MAGI2: variants seen among roughly 807,000 people sequenced by gnomAD.
The protein encoded by MAGI2 is membrane-associated guanylate kinase, WW and PDZ domain-containing protein 2.
MAGI2 carries 35 observed loss-of-function variants against 133.3 expected under a neutral mutation model. The ratio of observed to expected loss-of-function variants is 0.26; its 90% CI spans 0.20 to 0.35. The LOEUF is 0.35. Ranked by LOEUF, MAGI2 falls within the 10% of genes least tolerant of loss-of-function variation. The pLI, the probability that MAGI2 is intolerant of heterozygous loss-of-function variation, is 1.00. For missense variants in MAGI2, 1,636 were observed against 1,863.4 expected (o/e 0.88, Z 2.25); for synonymous variants, 729 against 710.6 (o/e 1.03, Z -0.41).
chr7:78,163,758 T>G (rs1825337250), intron 15 of MAGI2, among the ~76,000 whole-genome samples: 1 of 151,752 alleles, frequency 6.6e-6, no homozygotes, highest in Admixed American at 6.6e-5. Context: ...TACAAAAAAA[T>G]TAGCTGGGCG....
intron 2 of MAGI2, among the ~76,000 whole-genome samples, chr7:78,687,711 G>C (rs918329423): frequency 6.6e-6 from 1 of 152,112 alleles, no homozygotes; most frequent in African/African-American, 2.4e-5. Context: ...GCTCACGCCT[G>C]TAATCCCAGC....
At chr7:78,880,902 A>G (rs1026799942) in intron 2 of MAGI2, among the ~76,000 whole-genome samples, 11 of 152,216 alleles carry the variant, frequency 7.2e-5, no homozygotes, top group Admixed American at 7.2e-4. Flanking sequence ...AACAGAAAAG[A>G]TAAAAAGAGC....
intron 1 of MAGI2, among the ~76,000 whole-genome samples, chr7:79,267,932 A>G (rs1881298): frequency 0.86 from 131,082 of 152,190 alleles, 56,585 homozygotes; most frequent in African/African-American, 0.91. Context: ...TTTGGAAATT[A>G]AATGGGACTG....
At chr7:78,397,220 C>T (rs113025859) in intron 6 of MAGI2, among the ~76,000 whole-genome samples, 2 of 151,856 alleles carry the variant, frequency 1.3e-5, no homozygotes, top group African/African-American at 4.8e-5. Context: ...TGGTAAACTG[C>T]TCTGCATGAG....
chr7:78,756,193 G>A (rs1278622531), intron 2 of MAGI2, among the ~76,000 whole-genome samples: 1 of 152,128 alleles, frequency 6.6e-6, no homozygotes, highest in Non-Finnish European at 1.5e-5. Flanking sequence ...GAGAGCACTG[G>A]CATGAGTCAG....
At chr7:79,084,769 C>T (rs1211149524) in intron 1 of MAGI2, among the ~76,000 whole-genome samples, 2 of 151,690 alleles carry the variant, frequency 1.3e-5, no homozygotes, top group Non-Finnish European at 3.0e-5. Flanking sequence ...AATTCTTATT[C>T]TGATTTTTGT....
intron 1 of MAGI2, among the ~76,000 whole-genome samples, chr7:79,254,689 C>T (rs1833563358): frequency 6.6e-6 from 1 of 152,142 alleles, no homozygotes; most frequent in African/African-American, 2.4e-5. Flanking sequence ...TACATTTTTC[C>T]ATGAATCTTC....
chr7:79,071,819 T>C (rs1157625926), intron 1 of MAGI2, among the ~76,000 whole-genome samples: 2 of 152,102 alleles, frequency 1.3e-5, no homozygotes, highest in African/African-American at 2.4e-5. Context: ...CCCACCATGT[T>C]GGAGCCTCCC....
At chr7:78,265,228 G>C (rs1284532159) in intron 9 of MAGI2, among the ~76,000 whole-genome samples, 1 of 152,060 alleles carries the variant, frequency 6.6e-6, no homozygotes, top group African/African-American at 2.4e-5. Flanking sequence ...TTACTTTGTT[G>C]AAAAGGAAAC....
intron 14 of MAGI2, among the ~76,000 whole-genome samples, chr7:78,171,547 C>T (rs775038455): frequency 6.6e-6 from 1 of 152,224 alleles, no homozygotes; most frequent in African/African-American, 2.4e-5. Flanking sequence ...ATTCTTCTCA[C>T]TTCCCAATAG....
chr7:78,150,480 C>T (rs1048509418), intron 16 of MAGI2, among the ~76,000 whole-genome samples: 4 of 152,174 alleles, frequency 2.6e-5, no homozygotes, highest in East Asian at 1.9e-4. Flanking sequence ...AAGTGCCCTG[C>T]GGGCTCTGAA....
rs188289139 is a variant in MAGI2, at chr7:79,183,708, A to C, written c.302-176502T>G. 3.3e-5 allele frequency among the ~76,000 whole-genome samples: 5 copies of C among 152,058 alleles called. No individual in the cohort carries two copies. The East Asian group carries it at 9.7e-4, about 29-fold the overall frequency. ...TCATGTTTCTTGCAGCACTAGTCAC[A>C]GTCAATTCCAAGAGACGGAATCAAC... On this transcript the variant is annotated intron_variant, in intron 1 of 21. Transcript: ENST00000354212.
At chr7:78,143,706 G>C (rs527527242) in intron 16 of MAGI2, among the ~76,000 whole-genome samples, 58 of 152,058 alleles carry the variant, frequency 3.8e-4, no homozygotes, top group Non-Finnish European at 5.4e-4. Context: ...TTAAAAAATC[G>C]TATGTCATTC....
In MAGI2 at chr7:78,183,486, G is replaced by C. The variant is rs551513350; in HGVS notation, c.2311+2143C>G. Among the ~76,000 whole-genome samples, 8 of 151,968 alleles carry C rather than the reference G, an allele frequency of 5.3e-5. No homozygotes were observed. The East Asian group carries it at 1.6e-3, about 29-fold the overall frequency. On this transcript the variant is annotated intron_variant, in intron 13 of 21. Transcript: ENST00000354212. ...TCACCATGTTGGCCAGGATGGTCTC[G>C]ATCTCTTGAACTCGTGATCTGCCAG...
At chr7:78,118,766 G>A (rs1257012766) in intron 20 of MAGI2, among the ~76,000 whole-genome samples, 1 of 152,178 alleles carries the variant, frequency 6.6e-6, no homozygotes, top group Non-Finnish European at 1.5e-5. Context: ...ATGTAAAATG[G>A]TATAGCCAAT....
At chr7:78,596,227 G>GGGAA (rs1804599760) in intron 3 of MAGI2, among the ~76,000 whole-genome samples, 1 of 133,980 alleles carries the variant, frequency 7.5e-6, no homozygotes, top group Admixed American at 7.5e-5. Flanking sequence ...GAGGGAGGGA[G>GGGAA]GGAAGGAAGA....
At chr7:78,323,711 T>TA (rs1324645492) in intron 9 of MAGI2, among the ~76,000 whole-genome samples, 1 of 152,246 alleles carries the variant, frequency 6.6e-6, no homozygotes, top group Admixed American at 6.5e-5. Context: ...AATCTTCTTG[T>TA]AATTCTAAAA....
chr7:79,161,864 G>T (rs924962858), intron 1 of MAGI2, among the ~76,000 whole-genome samples: 2 of 152,004 alleles, frequency 1.3e-5, no homozygotes, highest in African/African-American at 2.4e-5. Context: ...AACAATTAGA[G>T]ACACTGGTTA....
At chr7:78,573,313 AATATATAAATAT>A (rs1181935965) in intron 3 of MAGI2, among the ~76,000 whole-genome samples, 3 of 43,462 alleles carry the variant, frequency 6.9e-5, no homozygotes, top group South Asian at 5.6e-4. Context: ...TATATATATA[AATATATAAATAT>A]ATATATAAAT....
Sources: gnomAD v4.1 joint callset for allele counts (sites outside exome capture counted in the v4.1 genomes callset) on GRCh38, gnomAD v4.1.1 for gene constraint, MANE v1.5 for transcripts, NCBI Gene and HGNC (gene_info 2026-07-23, HGNC 2026-07-21) for gene names.